The following ME2 variants were observed in gnomAD, a reference collection of about 807,000 sequenced individuals.
ME2 encodes the protein malic enzyme 2.
Under a neutral mutation model 73.7 loss-of-function variants are expected in ME2, and 60 were observed. The observed-to-expected ratio is 0.81, with a 90% CI of 0.66 to 1.01. The LOEUF (loss-of-function observed/expected upper bound fraction) is 1.01. ME2 is among the 50% of genes least tolerant of loss of function. ME2 has a pLI of 0.00. For missense variants in ME2, 594 were observed against 705.5 expected (o/e 0.84, Z 1.79); for synonymous variants, 199 against 236.9 (o/e 0.84, Z 1.47).
intron 4 of ME2, 59 bp downstream of exon 4, chr18:50,913,009 C>T (rs1917195032): frequency 8.1e-6 from 11 of 1,365,456 alleles, no homozygotes; most frequent in Non-Finnish European, 4.0e-6. Flanking sequence ...AATATCATTC[C>T]ATAACACCCA....
intron 7 of ME2, among the ~76,000 whole-genome samples, chr18:50,919,006 G>T (rs186267791): frequency 6.6e-6 from 1 of 152,050 alleles, no homozygotes; most frequent in Non-Finnish European, 1.5e-5. Flanking sequence ...CATTCATCCT[G>T]TTGCCAAAAC....
chr18:50,884,412 A>T (rs748734517), intron 1 of ME2, among the ~76,000 whole-genome samples: 3 of 152,130 alleles, frequency 2.0e-5, no homozygotes, highest in Non-Finnish European at 4.4e-5. Flanking sequence ...CAGTGGCGTG[A>T]TCTCAGCTCA....
At chr18:50,937,096 G>A (rs1430060218) in intron 13 of ME2, among the ~76,000 whole-genome samples, 1 of 151,832 alleles carries the variant, frequency 6.6e-6, no homozygotes, top group Non-Finnish European at 1.5e-5. Flanking sequence ...AAGGAACATA[G>A]GCAAGACAAG....
At chr18:50,892,410 G>A (rs1388596754) in intron 1 of ME2, among the ~76,000 whole-genome samples, 1 of 152,054 alleles carries the variant, frequency 6.6e-6, no homozygotes, top group African/African-American at 2.4e-5. Context: ...AAATATTCTT[G>A]GAATTTTTGT....
chr18:50,897,501 G>A (rs190782339), intron 2 of ME2, among the ~76,000 whole-genome samples: 9 of 152,250 alleles, frequency 5.9e-5, no homozygotes, highest in East Asian at 5.8e-4. Flanking sequence ...TGAGGCAGGC[G>A]GATCACCTGA....
At chr18:50,897,405 C>CGAA (rs1298139361) in intron 2 of ME2, among the ~76,000 whole-genome samples, 1 of 152,136 alleles carries the variant, frequency 6.6e-6, no homozygotes, top group African/African-American at 2.4e-5. Flanking sequence ...GGAGCATAGT[C>CGAA]TAAGTGCATT....
At chr18:50,937,947 C>A (rs895402520) in intron 13 of ME2, among the ~76,000 whole-genome samples, 1 of 152,198 alleles carries the variant, frequency 6.6e-6, no homozygotes, top group Non-Finnish European at 1.5e-5. Context: ...AGATAGGAAG[C>A]GCCTACTCAC....
At chr18:50,924,442 G>A (rs973050135) in intron 11 of ME2, among the ~76,000 whole-genome samples, 2 of 150,402 alleles carry the variant, frequency 1.3e-5, no homozygotes, top group Admixed American at 1.3e-4. Context: ...TGCTTTTAGA[G>A]TTGGTATGAC....
At chr18:50,884,904 C>T (rs969828069) in intron 1 of ME2, among the ~76,000 whole-genome samples, 1 of 151,600 alleles carries the variant, frequency 6.6e-6, no homozygotes, top group Non-Finnish European at 1.5e-5. Flanking sequence ...GCCCAGGCTG[C>T]AGTGCAGTGG....
At chr18:50,932,106 G>A (rs1224916825) in intron 12 of ME2, 152 bp from the exon 13 acceptor site, 1 of 513,606 alleles carries the variant, frequency 1.9e-6, no homozygotes, top group African/African-American at 2.0e-5. Context: ...CAAAAGGATT[G>A]TAACGAAAAG....
chr18:50,923,772 T>C (rs760840814), intron 10 of ME2, among the ~76,000 whole-genome samples: 4 of 152,134 alleles, frequency 2.6e-5, no homozygotes, highest in Non-Finnish European at 4.4e-5. Flanking sequence ...TATGAAAATT[T>C]CTTAATTCCA....
In ME2 at chr18:50,917,709, T is replaced by G. The variant is rs529043484; in HGVS notation, c.630+201T>G. On this transcript the variant is annotated intron_variant, in intron 6 of 15. Transcript: ENST00000321341. ...TTCTTGGTCCGGGCATGGTGGCTCATACCTGTAATCCCAGGACATTGGAAG... is the reference window on the plus strand; with the variant it reads ...TTCTTGGTCCGGGCATGGTGGCTCAGACCTGTAATCCCAGGACATTGGAAG... Among the ~76,000 whole-genome samples, 173 of 152,200 alleles carry G rather than the reference T, an allele frequency of 1.1e-3. No homozygotes were observed. The South Asian group carries it at 0.035, about 31-fold the overall frequency.
chr18:50,886,033 G>A (rs1332367355), intron 1 of ME2, among the ~76,000 whole-genome samples: 1 of 151,950 alleles, frequency 6.6e-6, no homozygotes, highest in Non-Finnish European at 1.5e-5. Context: ...TCTTCTTTTA[G>A]ATTGTACACA....
intron 2 of ME2, among the ~76,000 whole-genome samples, chr18:50,907,328 T>A (rs758779306): frequency 1.9e-4 from 29 of 152,348 alleles, no homozygotes; most frequent in Admixed American, 1.6e-3. Context: ...AGCTTGTTGC[T>A]TACTGAAATC....
At chr18:50,881,664 A>G (rs1916327740) in intron 1 of ME2, among the ~76,000 whole-genome samples, 1 of 152,220 alleles carries the variant, frequency 6.6e-6, no homozygotes, top group Non-Finnish European at 1.5e-5. Context: ...AATATTTTGA[A>G]TAAATGTTAA....
At chr18:50,940,065 G>A in intron 14 of ME2, 1 of 514,312 alleles carries the variant, frequency 1.9e-6, no homozygotes, top group Non-Finnish European at 3.4e-6. Context: ...CTCTACATGT[G>A]TAATATAAAG....
At chr18:50,931,476 A>G (rs1311970785) in intron 12 of ME2, among the ~76,000 whole-genome samples, 2 of 152,190 alleles carry the variant, frequency 1.3e-5, no homozygotes, top group Admixed American at 1.3e-4. Context: ...TGAAATGGAG[A>G]TGATGATGAA....
In ME2 at chr18:50,948,009, G is replaced by C. The variant is rs895652209; in HGVS notation, c.*825G>C. 18 of 152,056 alleles carry C rather than the reference G, an allele frequency of 1.2e-4. No homozygotes were observed. Among genetic ancestry groups the C allele is most frequent in the African/African-American group, 4.4e-4 (18 of 41,374 alleles). The allele number at this position is 152,056 out of a possible 1,614,324, so 9.4% of individuals were successfully genotyped here. ...GGAGTATAAGATACCTAATCATATGGGAACATCACGTGACTTTTTAAATCT... is the reference window on the plus strand; with the variant it reads ...GGAGTATAAGATACCTAATCATATGCGAACATCACGTGACTTTTTAAATCT... On this transcript the variant is annotated 3_prime_UTR_variant, in exon 16 of 16. Coordinates refer to ENST00000321341, the MANE Select transcript of ME2 (RefSeq NM_002396.5).
At chr18:50,881,915 T>A (rs1789221) in intron 1 of ME2, among the ~76,000 whole-genome samples, 51,484 of 152,096 alleles carry the variant, frequency 0.34, 8,881 homozygotes, top group Non-Finnish European at 0.38. Context: ...AACGTTCCCA[T>A]TTTACTGATG....
Sources: gnomAD v4.1 joint callset for allele counts (sites outside exome capture counted in the v4.1 genomes callset) on GRCh38, gnomAD v4.1.1 for gene constraint, MANE v1.5 for transcripts, NCBI Gene and HGNC (gene_info 2026-07-23, HGNC 2026-07-21) for gene names.